KCNQ1: variants seen among roughly 807,000 people sequenced by gnomAD.
The protein encoded by KCNQ1 is potassium voltage-gated channel subfamily Q member 1, also known as potassium voltage-gated channel subfamily KQT member 1.
In KCNQ1, 49 loss-of-function variants were observed where a neutral mutation model predicts 72.4. The observed-to-expected ratio is 0.68, with a 90% CI of 0.54 to 0.86. The LOEUF is 0.86. KCNQ1 is among the 40% of genes least tolerant of loss of function. The pLI is 0.00. For missense variants in KCNQ1, 790 were observed against 945.1 expected (o/e 0.84, Z 2.15); for synonymous variants, 450 against 412.6 (o/e 1.09, Z -1.10).
At position 2,527,952 on chromosome 11, in the gene KCNQ1, C is replaced by T. The variant is rs1035435122; in HGVS notation, c.411C>T (p.Leu137=). The change falls in exon 2 of 16, where the codon CTC becomes CTT. Residue 137 remains leucine, a synonymous_variant. Coordinates refer to ENST00000155840, the MANE Select transcript of KCNQ1 (RefSeq NM_000218.3). The part of the protein sequence containing the change: ...FAVFLIVLVC[L]IFSVLSTIEQ... The stretch of plus-strand genomic sequence containing the variant: ...GCTTCCTCATCGTCCTGGTCTGCCT[C>T]ATCTTCAGCGTGCTGTCCACCATCG... The T allele has an allele frequency of 2.5e-6, 4 of 1,614,012 alleles. No homozygotes were observed. The highest frequency in any genetic ancestry group is 2.2e-5 in the East Asian group (1 of 44,882).
Position 2,808,480 on chromosome 11 carries a change from T to C in KCNQ1, c.1794+30443T>C, listed in dbSNP as rs1478836659. Among the ~76,000 whole-genome samples the C allele has an allele frequency of 1.3e-5, 2 of 152,258 alleles. No homozygotes were observed. The highest frequency in any genetic ancestry group is 1.9e-4 in the East Asian group (1 of 5,178). The stretch of plus-strand genomic sequence containing the variant: ...TGAAAATAGCATTCAGAGTTGCTAT[T>C]AATAGGCTCTGATGCAGAACTGAGC... On this transcript the variant is annotated intron_variant, in intron 15 of 15. Transcript: ENST00000155840. This position sits in a 1 kb window ranked among gnomAD's most constrained non-coding sequence, Gnocchi z 6.0.
At position 2,673,518 on chromosome 11, in the gene KCNQ1, G is replaced by C. The variant is rs548108925; in HGVS notation, c.1514+11437G>C. The C allele has an allele frequency of 7.5e-6, 3 of 398,634 alleles. No individual in the cohort carries two copies. The East Asian group carries it at 1.1e-4, about 14-fold the overall frequency. 24.7% of individuals were successfully genotyped at this position (398,634 alleles called of 1,614,324 possible). A position where few individuals can be genotyped will look rare whatever the true frequency, so the allele number is the denominator to read the frequency against. On this transcript the variant is annotated intron_variant, in intron 11 of 15. Coordinates refer to ENST00000155840, the MANE Select transcript of KCNQ1 (RefSeq NM_000218.3). This position sits in a 1 kb window ranked among gnomAD's most constrained non-coding sequence, Gnocchi z 4.5. ...TCACAACCACTTGTTGATGCTGACA[G>C]CCTGTAGAAAGATTGCTCTCAGCCT...
At position 2,734,513 on chromosome 11, in the gene KCNQ1, G is replaced by A. The variant is rs914006577; in HGVS notation, c.1515-34331G>A. ...CAGAATGTGGGGAGCAGGGTAGGAC[G>A]GGCCCCTTGGCTGAGAGCCAGATGT... is the stretch of plus-strand genomic sequence containing the variant. On this transcript the variant is annotated intron_variant, in intron 11 of 15. Coordinates refer to ENST00000155840, the MANE Select transcript of KCNQ1 (RefSeq NM_000218.3). The surrounding 1 kb of genome is among the most constrained non-coding windows in gnomAD (Gnocchi z 7.0). Among the ~76,000 whole-genome samples, 14 of 152,314 alleles carry A rather than the reference G, an allele frequency of 9.2e-5. No individual in the cohort carries two copies. Among genetic ancestry groups the A allele is most frequent in the Non-Finnish European group, 1.6e-4 (11 of 68,026 alleles).
chr11:2,698,914 A>G lies in KCNQ1; in HGVS notation c.1514+36833A>G. ...CAACTCAGGCAAACTCCCAGCCAGG[A>G]TGTGGACCCTAGACCCGAATTCTGA... On this transcript the variant is annotated intron_variant, in intron 11 of 15. Coordinates refer to ENST00000155840, the MANE Select transcript of KCNQ1 (RefSeq NM_000218.3). The surrounding 1 kb of genome is among the most constrained non-coding windows in gnomAD (Gnocchi z 5.1). 1 of 398,724 alleles carries G rather than the reference A, an allele frequency of 2.5e-6. No individual in the cohort carries two copies. The highest frequency in any genetic ancestry group is 4.4e-6 in the Non-Finnish European group (1 of 226,152). The allele number at this position is 398,724 out of a possible 1,614,324, so 24.7% of individuals were successfully genotyped here.
chr11:2,717,218 C>T (rs968696867), intron 11 of KCNQ1, among the ~76,000 whole-genome samples: 19 of 152,176 alleles, frequency 1.2e-4, no homozygotes, highest in African/African-American at 4.6e-4. Flanking sequence ...GTCCCTCAGA[C>T]CCCACGGCTT....
Position 2,473,836 on chromosome 11 carries a change from C to T in KCNQ1, c.386+28352C>T, listed in dbSNP as rs1460063944. On this transcript the variant is annotated intron_variant, in intron 1 of 15. Transcript: ENST00000155840. This position sits in a 1 kb window ranked among gnomAD's most constrained non-coding sequence, Gnocchi z 6.0. ...GGTGGCCATTGCTCAGTGGCACCAG[C>T]TGGGCAGACAGCCGCATGCGCTCAC... 6.6e-6 allele frequency among the ~76,000 whole-genome samples: 1 copy of T among 152,258 alleles called. No homozygotes were observed. Among genetic ancestry groups the T allele is most frequent in the African/African-American group, 2.4e-5 (1 of 41,474 alleles).
intron 11 of KCNQ1, chr11:2,666,983 G>A: frequency 5.0e-6 from 2 of 398,718 alleles, no homozygotes; most frequent in Non-Finnish European, 4.4e-6. Flanking sequence ...CCGCCCGGGA[G>A]GGCTGTACAG....
chr11:2,525,851 C>T (rs1446629660), intron 1 of KCNQ1, among the ~76,000 whole-genome samples: 1 of 152,198 alleles, frequency 6.6e-6, no homozygotes, highest in Non-Finnish European at 1.5e-5. Context: ...GGGCTGATCA[C>T]CTACTGTGCA....
chr11:2,799,518 C>T (rs148644541), intron 15 of KCNQ1, among the ~76,000 whole-genome samples: 249 of 150,442 alleles, frequency 1.7e-3, no homozygotes, highest in Middle Eastern at 3.4e-3. Context: ...GTGTCTTCTA[C>T]GTGTGAGTGT....
intron 1 of KCNQ1, among the ~76,000 whole-genome samples, chr11:2,525,920 G>A (rs1847495545): frequency 6.6e-6 from 1 of 152,230 alleles, no homozygotes; most frequent in Non-Finnish European, 1.5e-5. Flanking sequence ...GGTGCTCATG[G>A]TCTAGGGGGT....
rs1268137715 is a variant in KCNQ1 at position 2,541,344 on chromosome 11, A to T, written c.477+13326A>T. 2.6e-5 allele frequency among the ~76,000 whole-genome samples: 4 copies of T among 152,224 alleles called. No individual in the cohort carries two copies. Among genetic ancestry groups the T allele is most frequent in the African/African-American group, 4.8e-5 (2 of 41,462 alleles). ...CATTCAGAGCAGCATTTGGTGGGGA[A>T]CCTGGGGGAAGGGCGGGCGTCTTTA... On this transcript the variant is annotated intron_variant, in intron 2 of 15. Coordinates refer to ENST00000155840, the MANE Select transcript of KCNQ1 (RefSeq NM_000218.3). This position sits in a 1 kb window ranked among gnomAD's most constrained non-coding sequence, Gnocchi z 4.8.
chr11:2,523,113 A>G (rs1295063271), intron 1 of KCNQ1, among the ~76,000 whole-genome samples: 2 of 152,130 alleles, frequency 1.3e-5, no homozygotes, highest in East Asian at 3.8e-4. Context: ...CAAGTTTTCA[A>G]GCCCTCACCT....
At chr11:2,773,864 ACAGGGCT>A (rs79656052) in intron 12 of KCNQ1, among the ~76,000 whole-genome samples, 19,236 of 151,740 alleles carry the variant, frequency 0.13, 1,444 homozygotes, top group East Asian at 0.28. Context: ...CCAGATGCTA[ACAGGGCT>A]CAGCAACCCA....
At position 2,667,675 on chromosome 11, in the gene KCNQ1, G is replaced by A. The variant is rs955752358; in HGVS notation, c.1514+5594G>A. 112 of 398,582 alleles carry A rather than the reference G, an allele frequency of 2.8e-4. No homozygotes were observed. The highest frequency in any genetic ancestry group is 5.3e-5 in the Non-Finnish European group (12 of 226,156). 24.7% of individuals were successfully genotyped at this position (398,582 alleles called of 1,614,324 possible). ...GAGATTGAACTGCAGAGCCTCTGGA[G>A]GCTGAAGCACGGAGGTGACCTAGTC... is the stretch of plus-strand genomic sequence containing the variant. On this transcript the variant is annotated intron_variant, in intron 11 of 15. Coordinates refer to ENST00000155840, the MANE Select transcript of KCNQ1 (RefSeq NM_000218.3).
At chr11:2,558,644 C>T (rs371150327) in intron 2 of KCNQ1, among the ~76,000 whole-genome samples, 9 of 152,220 alleles carry the variant, frequency 5.9e-5, no homozygotes, top group East Asian at 1.9e-4. Flanking sequence ...ACCCCCACCC[C>T]GCCGGCTTGC....
Position 2,620,890 on chromosome 11 carries a change from G to A in KCNQ1, c.1393+32036G>A. On this transcript the variant is annotated intron_variant, in intron 10 of 15. Coordinates refer to ENST00000155840, the MANE Select transcript of KCNQ1 (RefSeq NM_000218.3). The surrounding 1 kb of genome is among the most constrained non-coding windows in gnomAD (Gnocchi z 4.5). Reference sequence around the variant, plus strand: ...CTTTTTAATAATTGCCATTCTGACTGGTGTGAGATGGCATCCCATTATGGT... The same window carrying A: ...CTTTTTAATAATTGCCATTCTGACTAGTGTGAGATGGCATCCCATTATGGT... The A allele has an allele frequency of 2.5e-6, 1 of 396,700 alleles. No homozygotes were observed. The highest frequency in any genetic ancestry group is 1.3e-4 in the South Asian group (1 of 7,804). 24.6% of individuals were successfully genotyped at this position (396,700 alleles called of 1,614,324 possible). A position where few individuals can be genotyped will look rare whatever the true frequency, so the allele number is the denominator to read the frequency against.
At chr11:2,512,781 G>A (rs1019050271) in intron 1 of KCNQ1, among the ~76,000 whole-genome samples, 1 of 152,202 alleles carries the variant, frequency 6.6e-6, no homozygotes, top group Non-Finnish European at 1.5e-5. Context: ...CTGTCTGCCC[G>A]CCTGGAGTTC....
At chr11:2,480,469 C>G (rs1247747851) in intron 1 of KCNQ1, among the ~76,000 whole-genome samples, 1 of 152,162 alleles carries the variant, frequency 6.6e-6, no homozygotes, top group Non-Finnish European at 1.5e-5. Context: ...AAGGGGTTCC[C>G]CCTTATAAAA....
chr11:2,490,430 A>G (rs1846816391), intron 1 of KCNQ1, among the ~76,000 whole-genome samples: 2 of 152,316 alleles, frequency 1.3e-5, no homozygotes, highest in African/African-American at 2.4e-5. Flanking sequence ...TTGAGTGAAC[A>G]TAGGTGGTAG....
Sources: allele counts gnomAD v4.1 joint callset (sites outside exome capture counted in the v4.1 genomes callset), GRCh38; gene constraint gnomAD v4.1.1; non-coding constraint Gnocchi (gnomAD v3.1); transcripts MANE v1.5; gene names NCBI Gene and HGNC (gene_info 2026-07-23, HGNC 2026-07-21).